CDH18: variants seen among roughly 807,000 people sequenced by gnomAD.
The protein encoded by CDH18 is cadherin 18, also known as cadherin-18.
A neutral mutation model predicts 67.9 loss-of-function variants in CDH18; 31 were observed. That is an observed-to-expected ratio of 0.46 (90% CI 0.34 to 0.62). The LOEUF is 0.62. Among genes scored for constraint, CDH18 ranks in the 20% least tolerant of loss-of-function variants. The pLI, the probability that CDH18 is intolerant of heterozygous loss-of-function variation, is 0.01. For synonymous variants in CDH18, 362 were observed against 347.2 expected (o/e 1.04, Z -0.48); for missense variants, 890 against 975.5 (o/e 0.91, Z 1.17).
chr5:19,584,618 C>A (rs1247203349), intron 7 of CDH18, among the ~76,000 whole-genome samples: 1 of 151,456 alleles, frequency 6.6e-6, no homozygotes, highest in Admixed American at 6.6e-5. Flanking sequence ...GCAACATGTA[C>A]ATACCTCAGA....
At chr5:20,343,310 T>G (rs2150046530) in intron 1 of CDH18, among the ~76,000 whole-genome samples, 1 of 152,104 alleles carries the variant, frequency 6.6e-6, no homozygotes, top group East Asian at 1.9e-4. Flanking sequence ...AACAGAAAAC[T>G]TATAGGTTGA....
At chr5:19,637,214 A>T (rs1431320783) in intron 5 of CDH18, among the ~76,000 whole-genome samples, 3 of 144,622 alleles carry the variant, frequency 2.1e-5, no homozygotes, top group Non-Finnish European at 4.6e-5. Flanking sequence ...TTTAATTTAT[A>T]AATTATAATT....
Position 20,261,133 on chromosome 5 carries a change from G to T in CDH18, c.-579-5628C>A, listed in dbSNP as rs1215127765. Among the ~76,000 whole-genome samples, 3 of 152,076 alleles carry T rather than the reference G, an allele frequency of 2.0e-5. No individual in the cohort carries two copies. The East Asian group carries it at 5.8e-4, about 29-fold the overall frequency. ...CCATAAATTCCTAATTTAACATTTT[G>T]CTTAGTTAAATATAAATGCATTGTT... On this transcript the variant is annotated intron_variant, in intron 1 of 14. Transcript: ENST00000507958.
In CDH18 at chr5:20,375,267, C is replaced by A. The variant is rs1743322350; in HGVS notation, c.-579-119762G>T. On this transcript the variant is annotated intron_variant, in intron 1 of 14. Coordinates refer to the CDH18 transcript ENST00000507958. ...CTTTCAAAGTTCCCAAACCTGAATG[C>A]TGGGGACAATGATACCTATTATTAA... is the stretch of plus-strand genomic sequence containing the variant. 5.9e-5 allele frequency among the ~76,000 whole-genome samples: 9 copies of A among 152,244 alleles called. 1 individual carries two copies. In the South Asian group the frequency reaches 1.9e-3, roughly 32 times the overall value.
At chr5:20,167,811 G>A (rs983163000) in intron 2 of CDH18, among the ~76,000 whole-genome samples, 20 of 152,148 alleles carry the variant, frequency 1.3e-4, no homozygotes, top group African/African-American at 4.8e-4. Flanking sequence ...TTATGGAGCA[G>A]GGGGTAAAAA....
At chr5:19,950,269 A>T (rs1561615895) in intron 2 of CDH18, among the ~76,000 whole-genome samples, 1 of 152,088 alleles carries the variant, frequency 6.6e-6, no homozygotes, top group Non-Finnish European at 1.5e-5. Flanking sequence ...ATAACTCAGG[A>T]ATGGGAAACC....
At chr5:19,903,759 T>C (rs1790223690) in intron 2 of CDH18, among the ~76,000 whole-genome samples, 1 of 151,512 alleles carries the variant, frequency 6.6e-6, no homozygotes, top group African/African-American at 2.4e-5. Flanking sequence ...AATGTGTCCA[T>C]TATTTCATGG....
chr5:20,216,198 T>C (rs1256078158), intron 2 of CDH18, among the ~76,000 whole-genome samples: 2 of 151,986 alleles, frequency 1.3e-5, no homozygotes, highest in East Asian at 3.9e-4. Context: ...CCAGATATAA[T>C]GATACTGAAA....
intron 2 of CDH18, among the ~76,000 whole-genome samples, chr5:20,047,582 C>T (rs1368136031): frequency 6.6e-6 from 1 of 151,726 alleles, no homozygotes; most frequent in Non-Finnish European, 1.5e-5. Context: ...AACTATAACA[C>T]TCAAATGAGC....
At chr5:19,767,596 A>G (rs557168938) in intron 3 of CDH18, among the ~76,000 whole-genome samples, 156 of 152,270 alleles carry the variant, frequency 1.0e-3, no homozygotes, top group Non-Finnish European at 1.8e-3. Context: ...AAGTATTTGA[A>G]TAAACCAAGA....
intron 1 of CDH18, among the ~76,000 whole-genome samples, chr5:20,420,999 G>C (rs918505736): frequency 6.6e-6 from 1 of 151,026 alleles, no homozygotes; most frequent in Non-Finnish European, 1.5e-5. Context: ...CTTTAATAAG[G>C]CTTGATTGTT....
At chr5:19,985,131 C>A (rs1799431980) in intron 1 of CDH18, among the ~76,000 whole-genome samples, 1 of 151,936 alleles carries the variant, frequency 6.6e-6, no homozygotes, top group Non-Finnish European at 1.5e-5. Flanking sequence ...TCCTTTTGTC[C>A]CAAAAATGTT....
chr5:19,896,522 A>T (rs1789357070), intron 2 of CDH18, among the ~76,000 whole-genome samples: 1 of 152,158 alleles, frequency 6.6e-6, no homozygotes, highest in Admixed American at 6.6e-5. Flanking sequence ...GACACCAGCC[A>T]CTGGGAGCTG....
intron 2 of CDH18, among the ~76,000 whole-genome samples, chr5:20,034,078 A>T (rs1000752377): frequency 6.6e-6 from 1 of 152,018 alleles, no homozygotes; most frequent in Non-Finnish European, 1.5e-5. Flanking sequence ...ATCATTTCTG[A>T]AGTGCGTTAG....
At chr5:20,271,997 T>C (rs1745474373) in intron 1 of CDH18, among the ~76,000 whole-genome samples, 1 of 151,760 alleles carries the variant, frequency 6.6e-6, no homozygotes, top group Admixed American at 6.6e-5. Context: ...TTTTTCAACA[T>C]TTTGGACATT....
intron 2 of CDH18, among the ~76,000 whole-genome samples, chr5:19,970,831 GA>G (rs528696065): frequency 6.4e-4 from 96 of 150,754 alleles, no homozygotes; most frequent in African/African-American, 1.9e-3. Flanking sequence ...AAAGAAGATA[GA>G]AAAAAATAGA....
At chr5:20,463,041 T>C (rs1422324316) in intron 1 of CDH18, among the ~76,000 whole-genome samples, 1 of 152,110 alleles carries the variant, frequency 6.6e-6, no homozygotes, top group Non-Finnish European at 1.5e-5. Context: ...TGTTCGAACA[T>C]GGCTAAATAT....
In CDH18 at chr5:20,028,930, G is replaced by C. The variant is rs114151284; in HGVS notation, c.-517-36916C>G. On this transcript the variant is annotated intron_variant, in intron 2 of 14. Transcript: ENST00000507958. The stretch of plus-strand genomic sequence containing the variant: ...TTAATTCCTTACACATGCTAAACAA[G>C]GACTCCTTTTGGCCATTTCAGGATT... Among the ~76,000 whole-genome samples, 1,252 of 152,126 alleles carry C rather than the reference G, an allele frequency of 8.2e-3. 16 individuals are homozygous for C. The highest frequency in any genetic ancestry group is 0.029 in the African/African-American group (1,216 of 41,498).
intron 5 of CDH18, among the ~76,000 whole-genome samples, chr5:19,629,275 A>G (rs1752051516): frequency 6.6e-6 from 1 of 152,158 alleles, no homozygotes; most frequent in Admixed American, 6.5e-5. Context: ...TCAGGTAAAG[A>G]TCAGTGAAGA....
Sources: allele counts gnomAD v4.1 joint callset (sites outside exome capture counted in the v4.1 genomes callset), GRCh38; gene constraint gnomAD v4.1.1; transcripts MANE v1.5; gene names NCBI Gene and HGNC (gene_info 2026-07-23, HGNC 2026-07-21).